Variants in ENTPD3 observed in about 807,000 individuals in gnomAD.
ENTPD3 encodes the protein ectonucleoside triphosphate diphosphohydrolase 3.
ENTPD3 carries 60 observed loss-of-function variants against 51.2 expected under a neutral mutation model. The ratio of observed to expected loss-of-function variants is 1.17; its 90% CI spans 0.95 to 1.45. ENTPD3 has a LOEUF of 1.45. ENTPD3 is among the 40% of genes most tolerant of loss of function. The pLI, the probability that ENTPD3 is intolerant of heterozygous loss-of-function variation, is 0.00. For missense variants in ENTPD3, 593 were observed against 641.1 expected, an observed-to-expected ratio of 0.93 and a Z score of 0.81; for synonymous variants, 221 against 238.4, an observed-to-expected ratio of 0.93 and a Z score of 0.67.
At position 40,392,722 on chromosome 3, in the gene ENTPD3, G is replaced by A. The variant is rs564883466; in HGVS notation, c.168+572G>A. 1.5e-4 allele frequency among the ~76,000 whole-genome samples: 23 copies of A among 152,172 alleles called. No individual in the cohort carries two copies. The East Asian group carries it at 2.1e-3, about 14-fold the overall frequency. On this transcript the variant is annotated intron_variant, in intron 3 of 10. Transcript: ENST00000301825. The stretch of plus-strand genomic sequence containing the variant: ...TGTAATTCCAGCACTTCGAGAGGCC[G>A]AGGAAGAAGGATTGCTTGAGCCCAG...
chr3:40,414,957 T>C (rs1955712394), intron 6 of ENTPD3, 117 bp downstream of exon 6: 3 of 1,004,938 alleles, frequency 3.0e-6, no homozygotes, highest in African/African-American at 1.6e-5. Context: ...ACTCCTACCA[T>C]GTAACGCATT....
chr3:40,405,706 T>C (rs1447884815), intron 4 of ENTPD3, among the ~76,000 whole-genome samples: 1 of 152,090 alleles, frequency 6.6e-6, no homozygotes, highest in African/African-American at 2.4e-5. Context: ...CTATCTCCTT[T>C]TCCCTCTAGA....
At chr3:40,425,950 A>T (rs1955973550) in intron 10 of ENTPD3, among the ~76,000 whole-genome samples, 1 of 151,450 alleles carries the variant, frequency 6.6e-6, no homozygotes, top group African/African-American at 2.4e-5. Context: ...CACTAAAGAA[A>T]AGTATTTAAA....
In ENTPD3 at chr3:40,400,914, C is replaced by T. The variant is rs149445548; in HGVS notation, c.189C>T (p.Ala63=). The T allele has an allele frequency of 1.1e-4, 181 of 1,613,380 alleles. 1 individual carries two copies. The highest frequency in any genetic ancestry group is 4.9e-4 in the Middle Eastern group (3 of 6,078). ...PGLKYGIVLD[A]GSSRTTVYVY... ...TTCAGTATGGTATTGTGCTGGATGCCGGGTCTTCAAGAACCACAGTCTACG... is the reference window on the plus strand; with the variant it reads ...TTCAGTATGGTATTGTGCTGGATGCTGGGTCTTCAAGAACCACAGTCTACG... The change falls in exon 4 of 11, where the codon GCC becomes GCT. Residue 63 remains alanine (A), a synonymous_variant. Coordinates refer to ENST00000301825, the MANE Select transcript of ENTPD3 (RefSeq NM_001248.4).
At chr3:40,410,942 G>A (rs907949850) in intron 4 of ENTPD3, among the ~76,000 whole-genome samples, 2 of 152,136 alleles carry the variant, frequency 1.3e-5, no homozygotes, top group Admixed American at 1.3e-4. Flanking sequence ...GGATGAGAAT[G>A]AGAACGAATA....
chr3:40,418,718 A>G (rs1331808938), intron 7 of ENTPD3, among the ~76,000 whole-genome samples: 1 of 152,162 alleles, frequency 6.6e-6, no homozygotes, highest in Non-Finnish European at 1.5e-5. Flanking sequence ...TTAACATACT[A>G]TTGCATTTTC....
At chr3:40,404,412 C>T (rs892426087) in intron 4 of ENTPD3, among the ~76,000 whole-genome samples, 1 of 152,196 alleles carries the variant, frequency 6.6e-6, no homozygotes, top group African/African-American at 2.4e-5. Flanking sequence ...CTCTGTCCCA[C>T]AGTTACAAGA....
At chr3:40,412,762 T>A (rs1207793675) in intron 5 of ENTPD3, among the ~76,000 whole-genome samples, 1 of 152,162 alleles carries the variant, frequency 6.6e-6, no homozygotes, top group Non-Finnish European at 1.5e-5. Context: ...CAGAGCTCCT[T>A]TAACATGATA....
At chr3:40,389,414 T>G (rs529280764) in intron 2 of ENTPD3, among the ~76,000 whole-genome samples, 1 of 152,356 alleles carries the variant, frequency 6.6e-6, no homozygotes, top group South Asian at 2.1e-4. Context: ...TTGGCTCTCC[T>G]TTCCATTGCT....
In ENTPD3 at chr3:40,415,915, A is replaced by G. The variant is rs1263944557; in HGVS notation, c.673A>G (p.Thr225Ala). 1.2e-6 allele frequency: 2 copies of G among 1,613,938 alleles called. No homozygotes were observed. The highest frequency in any genetic ancestry group is 2.7e-5 in the African/African-American group (2 of 74,892). ...TGALDLGGAS[T>A]QISFVAGEKM... ...TGCCCTGGACTTAGGTGGTGCCTCC[A>G]CCCAAATATCCTTCGTGGCAGGAGA... The change falls in exon 7 of 11, where the codon ACC (threonine) becomes GCC (alanine). Residue 225 changes from threonine (T) to alanine (A), a missense_variant. Coordinates refer to ENST00000301825, the MANE Select transcript of ENTPD3 (RefSeq NM_001248.4).
In ENTPD3 at chr3:40,388,087, T is replaced by C. The variant is rs919272702; in HGVS notation, c.30T>C (p.Cys10=). The C allele has an allele frequency of 6.2e-7, 1 of 1,614,162 alleles. No individual in the cohort carries two copies. Among genetic ancestry groups the C allele is most frequent in the Non-Finnish European group, 8.5e-7 (1 of 1,180,014 alleles). ...TCACTGTGCTGACCCGCCAACCATG[T>C]GAGCAAGCAGGTTAGTATCTCTCAG... is the stretch of plus-strand genomic sequence containing the variant. The part of the protein sequence containing the change: MFTVLTRQP[C]EQAGLKALYR... Residue 10 remains cysteine (C), a synonymous_variant, in exon 2 of 11, where the codon TGT becomes TGC. Coordinates refer to ENST00000301825, the MANE Select transcript of ENTPD3 (RefSeq NM_001248.4).
intron 10 of ENTPD3, 43 bp from the exon 11 acceptor site, chr3:40,427,229 T>G: frequency 2.7e-6 from 4 of 1,502,560 alleles, no homozygotes; most frequent in Non-Finnish European, 3.7e-6. Flanking sequence ...ATTGCAGCCT[T>G]GAGCCTTGCC....
intron 10 of ENTPD3, among the ~76,000 whole-genome samples, chr3:40,426,643 G>T (rs1215835515): frequency 6.6e-6 from 1 of 152,026 alleles, no homozygotes; most frequent in East Asian, 1.9e-4. Flanking sequence ...AAGATAGAAA[G>T]ATAATTTTGT....
At chr3:40,392,969 C>T (rs112425214) in intron 3 of ENTPD3, among the ~76,000 whole-genome samples, 4,351 of 151,672 alleles carry the variant, frequency 0.029, 191 homozygotes, top group African/African-American at 0.099. Context: ...CCAACACTTC[C>T]CTCAACAACA....
chr3:40,419,065 A>G (rs1344240047), intron 7 of ENTPD3, among the ~76,000 whole-genome samples: 1 of 152,196 alleles, frequency 6.6e-6, no homozygotes, highest in Non-Finnish European at 1.5e-5. Flanking sequence ...GTTCTTCTAC[A>G]CTTTCCAGGT....
intron 4 of ENTPD3, among the ~76,000 whole-genome samples, chr3:40,407,877 C>T (rs997695297): frequency 6.6e-6 from 1 of 152,092 alleles, no homozygotes; most frequent in Admixed American, 6.6e-5. Context: ...ACATGATATG[C>T]CCCCAGTGCG....
Position 40,400,875 on chromosome 3 carries a change from C to T in ENTPD3, c.169-19C>T, listed in dbSNP as rs374234278. On this transcript the variant is annotated intron_variant, in intron 3 of 10. Transcript: ENST00000301825. ...AGGAGTCCCGCCCATTCTGACTCTC[C>T]CTTTCCCTTTTTATTCAGTATGGTA... 80 of 1,599,480 alleles carry T rather than the reference C, an allele frequency of 5.0e-5. No homozygotes were observed. Among genetic ancestry groups the T allele is most frequent in the Non-Finnish European group, 2.5e-5 (29 of 1,167,124 alleles).
At chr3:40,400,794 A>C in intron 3 of ENTPD3, 100 bp from the exon 4 acceptor site, 2 of 807,602 alleles carry the variant, frequency 2.5e-6, no homozygotes, top group Non-Finnish European at 4.2e-6. Flanking sequence ...TAAGCGAAGC[A>C]GTGTGGATTA....
chr3:40,415,715 T>G, intron 6 of ENTPD3, 125 bp from the exon 7 acceptor site: 1 of 672,742 alleles, frequency 1.5e-6, no homozygotes, highest in Non-Finnish European at 2.6e-6. Context: ...AAGGAAAGAA[T>G]TGGCCTCACA....
Sources: allele counts gnomAD v4.1 joint callset (sites outside exome capture counted in the v4.1 genomes callset), GRCh38; gene constraint gnomAD v4.1.1; transcripts MANE v1.5; gene names NCBI Gene and HGNC (gene_info 2026-07-23, HGNC 2026-07-21).